PRKCZ: variants seen among roughly 807,000 people sequenced by gnomAD.
PRKCZ encodes protein kinase C zeta.
Under a neutral mutation model 79.5 loss-of-function variants are expected in PRKCZ, and 33 were observed. The observed-to-expected ratio is 0.41, with a 90% CI of 0.31 to 0.55. The LOEUF is 0.55. Among genes scored for constraint, PRKCZ ranks in the 20% least tolerant of loss-of-function variants. PRKCZ has a pLI of 0.19. For synonymous variants in PRKCZ, 342 were observed against 320.9 expected, an observed-to-expected ratio of 1.07 and a Z score of -0.70; for missense variants, 578 against 813.5, an observed-to-expected ratio of 0.71 and a Z score of 3.52.
intron 5 of PRKCZ, 82 bp from the exon 6 acceptor site, chr1:2,144,128 G>C: frequency 6.6e-7 from 1 of 1,511,168 alleles, no homozygotes; most frequent in Middle Eastern, 1.9e-4. Context: ...TTTTGAGAAG[G>C]TATAGGTGTG....
chr1:2,097,595 G>A (rs765085007), intron 4 of PRKCZ, among the ~76,000 whole-genome samples: 3 of 151,928 alleles, frequency 2.0e-5, no homozygotes, highest in South Asian at 2.1e-4. Context: ...CATGCACCCC[G>A]GAAGGCACGC....
chr1:2,062,754 C>G (rs895776272), intron 4 of PRKCZ, among the ~76,000 whole-genome samples: 3 of 151,982 alleles, frequency 2.0e-5, no homozygotes, highest in Non-Finnish European at 4.4e-5. Context: ...TCCCAAAGTG[C>G]TGGGATTATA....
intron 3 of PRKCZ, among the ~76,000 whole-genome samples, chr1:2,058,381 G>A (rs1571096172): frequency 6.6e-6 from 1 of 151,564 alleles, no homozygotes. Context: ...GGGAGGCTGA[G>A]GTGGGAGGAT....
chr1:2,101,562 G>C (rs1376245107), intron 4 of PRKCZ, among the ~76,000 whole-genome samples: 1 of 152,196 alleles, frequency 6.6e-6, no homozygotes, highest in Non-Finnish European at 1.5e-5. Context: ...GAGACCATCA[G>C]CCAGTCTGCG....
intron 11 of PRKCZ, chr1:2,171,777 C>G (rs1023273763): frequency 4.6e-6 from 2 of 438,364 alleles, no homozygotes; most frequent in South Asian, 6.0e-5. Context: ...TGGAAGCTGT[C>G]GTGTTATTTG....
At chr1:2,120,839 CTTTT>C (rs35674338) in intron 4 of PRKCZ, among the ~76,000 whole-genome samples, 7 of 103,092 alleles carry the variant, frequency 6.8e-5, no homozygotes, top group Admixed American at 1.1e-4. Context: ...CCATTTGATT[CTTTT>C]TTTTTTTTTT....
chr1:2,152,481 G>A (rs559103871), intron 9 of PRKCZ, among the ~76,000 whole-genome samples: 9 of 152,296 alleles, frequency 5.9e-5, no homozygotes, highest in African/African-American at 1.2e-4. Flanking sequence ...GCAGTGAGCC[G>A]AGATCACGCT....
At chr1:2,111,135 G>A (rs978241809) in intron 4 of PRKCZ, among the ~76,000 whole-genome samples, 30 of 152,240 alleles carry the variant, frequency 2.0e-4, no homozygotes, top group Non-Finnish European at 4.0e-4. Flanking sequence ...GCGAGGAGGA[G>A]CCGAGGTGGG....
At chr1:2,120,095 G>A (rs933797068) in intron 4 of PRKCZ, among the ~76,000 whole-genome samples, 29 of 152,050 alleles carry the variant, frequency 1.9e-4, no homozygotes, top group African/African-American at 6.3e-4. Flanking sequence ...TGGTGAGGGC[G>A]CCTTCCAGCC....
At chr1:2,153,229 C>A (rs1218064077) in intron 9 of PRKCZ, among the ~76,000 whole-genome samples, 2 of 152,260 alleles carry the variant, frequency 1.3e-5, no homozygotes. Context: ...CAGCATCTTT[C>A]ATGCACCTGT....
chr1:2,071,092 CAG>C (rs1038379637), intron 4 of PRKCZ, among the ~76,000 whole-genome samples: 1 of 150,858 alleles, frequency 6.6e-6, no homozygotes, highest in Non-Finnish European at 1.5e-5. Flanking sequence ...GCCGATTGCT[CAG>C]GGGGGCGCCT....
intron 4 of PRKCZ, among the ~76,000 whole-genome samples, chr1:2,115,486 T>A (rs1670579077): frequency 6.6e-6 from 1 of 152,234 alleles, no homozygotes; most frequent in Admixed American, 6.5e-5. Context: ...ACAGCCACTC[T>A]GGCGCCAGCT....
In PRKCZ at chr1:2,082,915, G is replaced by A. The variant is rs953645239; in HGVS notation, c.334+23324G>A. On this transcript the variant is annotated intron_variant, in intron 4 of 17. Transcript: ENST00000378567. This position sits in a 1 kb window ranked among gnomAD's most constrained non-coding sequence, Gnocchi z 4.4. ...GGGTGGAGAGGGTGGCAGTGAGGGCGCGAGAGGGTGGAGGGGCGGCATGAG... is the reference window on the plus strand; with the variant it reads ...GGGTGGAGAGGGTGGCAGTGAGGGCACGAGAGGGTGGAGGGGCGGCATGAG... Among the ~76,000 whole-genome samples, 3 of 151,820 alleles carry A rather than the reference G, an allele frequency of 2.0e-5. No individual in the cohort carries two copies. The highest frequency in any genetic ancestry group is 7.3e-5 in the African/African-American group (3 of 41,306).
chr1:2,177,902 CG>C lies in PRKCZ; in HGVS notation c.1575+2590del, dbSNP rs1557749150. ...CGACTGCCAGCCCTGCCTCTGCCAC[CG>C]ACCGCCGGCCCTGCCTCTGCCACCG... is the stretch of plus-strand genomic sequence containing the variant. On this transcript the variant is annotated intron_variant, in intron 16 of 17. Transcript: ENST00000378567. This position sits in a 1 kb window ranked among gnomAD's most constrained non-coding sequence, Gnocchi z 6.4. 4.0e-5 allele frequency among the ~76,000 whole-genome samples: 6 copies of C among 150,448 alleles called. No homozygotes were observed. Among genetic ancestry groups the C allele is most frequent in the African/African-American group, 1.5e-4 (6 of 39,914 alleles).
At chr1:2,063,349 G>A (rs1314822769) in intron 4 of PRKCZ, among the ~76,000 whole-genome samples, 1 of 152,244 alleles carries the variant, frequency 6.6e-6, no homozygotes, top group African/African-American at 2.4e-5. Flanking sequence ...GTCTCGCTCT[G>A]TCGCTTAGGC....
intron 3 of PRKCZ, among the ~76,000 whole-genome samples, chr1:2,057,175 T>G (rs1660245989): frequency 6.6e-6 from 1 of 152,160 alleles, no homozygotes; most frequent in African/African-American, 2.4e-5. Context: ...TGCCCGGTGC[T>G]CCCTAGGCCC....
chr1:2,065,651 C>T (rs1400131254), intron 4 of PRKCZ, among the ~76,000 whole-genome samples: 2 of 148,002 alleles, frequency 1.4e-5, no homozygotes, highest in Admixed American at 1.4e-4. Flanking sequence ...TGCACTCCTG[C>T]CTGGGCAACA....
At position 2,174,923 on chromosome 1, in the gene PRKCZ, T is replaced by C. The variant is rs991368790; in HGVS notation, c.1485+90T>C. On this transcript the variant is annotated intron_variant, in intron 15 of 17. Coordinates refer to ENST00000378567, the MANE Select transcript of PRKCZ (RefSeq NM_002744.6). The surrounding 1 kb of genome is among the most constrained non-coding windows in gnomAD (Gnocchi z 6.2). ...GGCACGGCTGTTGGCCATTTTTTCA[T>C]GTCGGCTGCTGTGTATCGGGTGTGT... The C allele has an allele frequency of 3.6e-5, 48 of 1,321,392 alleles. No individual in the cohort carries two copies. The highest frequency in any genetic ancestry group is 4.8e-5 in the Non-Finnish European group (44 of 923,352). 81.9% of individuals were successfully genotyped at this position (1,321,392 alleles called of 1,614,324 possible).
At chr1:2,104,845 G>A (rs1668106455) in intron 4 of PRKCZ, 2 of 985,612 alleles carry the variant, frequency 2.0e-6, no homozygotes, top group Non-Finnish European at 2.4e-6. Flanking sequence ...CGGTGTGAGC[G>A]GGGACTGGTG....
Sources: allele counts gnomAD v4.1 joint callset (sites outside exome capture counted in the v4.1 genomes callset), GRCh38; gene constraint gnomAD v4.1.1; non-coding constraint Gnocchi (gnomAD v3.1); transcripts MANE v1.5; gene names NCBI Gene and HGNC (gene_info 2026-07-23, HGNC 2026-07-21).